SNAI1: variants seen among roughly 807,000 people sequenced by gnomAD.
The protein encoded by SNAI1 is zinc finger protein SNAI1.
A neutral mutation model predicts 24.7 loss-of-function variants in SNAI1; 15 were observed. The ratio of observed to expected loss-of-function variants is 0.61; its 90% CI spans 0.41 to 0.93. SNAI1 has a LOEUF of 0.93. Ranked by LOEUF, SNAI1 falls within the 40% of genes least tolerant of loss-of-function variation. The probability of loss-of-function intolerance (pLI) is 0.00; values close to 1 mark genes in which losing one functional copy is unlikely to be tolerated. For synonymous variants in SNAI1, 163 were observed against 142.9 expected, an observed-to-expected ratio of 1.14 and a Z score of -1.00; for missense variants, 283 against 336.7, an observed-to-expected ratio of 0.84 and a Z score of 1.25.
In SNAI1 at chr20:49,984,101, C is replaced by G; in HGVS notation, c.360C>G (p.Ser120=). The G allele has an allele frequency of 1.2e-6, 2 of 1,614,222 alleles. No individual in the cohort carries two copies. Among genetic ancestry groups the G allele is most frequent in the Non-Finnish European group, 1.7e-6 (2 of 1,180,038 alleles). The change falls in exon 2 of 3, where the codon TCC becomes TCG. Residue 120 remains serine (S), a synonymous_variant. Transcript: ENST00000244050. ...CCTTCTCCTCTACTTCAGTCTCTTCCTTGGAGGCCGAGGCCTATGCTGCCT... is the reference window on the plus strand; with the variant it reads ...CCTTCTCCTCTACTTCAGTCTCTTCGTTGGAGGCCGAGGCCTATGCTGCCT... The part of the protein sequence containing the change: ...PSSFSSTSVS[S]LEAEAYAAFP...
intron 2 of SNAI1, 66 bp downstream of exon 2, chr20:49,984,417 T>A: frequency 6.9e-7 from 1 of 1,446,760 alleles, no homozygotes; most frequent in Non-Finnish European, 9.2e-7. Flanking sequence ...CTGGGCTTGC[T>A]GTTCTCATTC....
At chr20:49,987,792 G>C (rs750819893) in intron 2 of SNAI1, 80 bp from the exon 3 acceptor site, 5 of 1,295,214 alleles carry the variant, frequency 3.9e-6, no homozygotes, top group Non-Finnish European at 5.5e-6. Context: ...TTCAGGGTTT[G>C]GGGTATGCGG....
Position 49,987,984 on chromosome 20 carries a change from T to C in SNAI1, c.723T>C (p.Cys241=). Residue 241 remains cysteine (C), a synonymous_variant, in exon 3 of 3, where the codon TGT becomes TGC. Transcript: ENST00000244050. ...TCAAGAAGTACCAGTGCCAGGCGTG[T>C]GCTCGGACCTTCTCCCGAATGTCCC... is the stretch of plus-strand genomic sequence containing the variant. ...SDVKKYQCQA[C]ARTFSRMSLL... 3 of 1,613,932 alleles carry C rather than the reference T, an allele frequency of 1.9e-6. No individual in the cohort carries two copies. The highest frequency in any genetic ancestry group is 2.5e-6 in the Non-Finnish European group (3 of 1,179,902).
chr20:49,988,026 A>G lies in SNAI1; in HGVS notation c.765A>G (p.Gln255=). Residue 255 remains glutamine, a synonymous_variant, in exon 3 of 3, where the codon CAA becomes CAG. Coordinates refer to ENST00000244050, the MANE Select transcript of SNAI1 (RefSeq NM_005985.4). The part of the protein sequence containing the change: ...FSRMSLLHKH[Q]ESGCSGCPR Reference sequence around the variant, plus strand: ...GAATGTCCCTGCTCCACAAGCACCAAGAGTCCGGCTGCTCAGGATGTCCCC... The same window carrying G: ...GAATGTCCCTGCTCCACAAGCACCAGGAGTCCGGCTGCTCAGGATGTCCCC... 6.2e-7 allele frequency: 1 copy of G among 1,610,472 alleles called. No homozygotes were observed.
rs141788073 is a variant in SNAI1 at position 49,983,065 on chromosome 20, G to A, written c.6G>A (p.Pro2=). Residue 2 remains proline (P), a synonymous_variant, in exon 1 of 3, where the codon CCG becomes CCA. Transcript: ENST00000244050. ...ACCCCAGTGCCTCGACCACTATGCC[G>A]CGCTCTTTCCTCGTCAGGAAGCCCT... The part of the protein sequence containing the change: M[P]RSFLVRKPSD... The A allele has an allele frequency of 1.2e-6, 2 of 1,613,308 alleles. No individual in the cohort carries two copies. Among genetic ancestry groups the A allele is most frequent in the Non-Finnish European group, 1.7e-6 (2 of 1,179,748 alleles).
chr20:49,985,580 G>A (rs1043245066), intron 2 of SNAI1, among the ~76,000 whole-genome samples: 3 of 152,148 alleles, frequency 2.0e-5, no homozygotes, highest in African/African-American at 7.2e-5. Flanking sequence ...CCTCCCATCT[G>A]GACATTATTT....
Position 49,983,117 on chromosome 20 carries a change from A to C in SNAI1, c.58A>C (p.Ser20Arg). ...PSDPNRKPNY[S>R]ELQDSNPEFT... ...CGACCCCAATCGGAAGCCTAACTAC[A>C]GCGAGCTGCAGGACTCTAATCCAGG... Residue 20 changes from serine (S) to arginine (R), a missense_variant, in exon 1 of 3, where the codon AGC becomes CGC. Ser to Arg is a moderately radical substitution (Grantham distance 110, BLOSUM62 -1). Coordinates refer to ENST00000244050, the MANE Select transcript of SNAI1 (RefSeq NM_005985.4). 1 of 1,613,718 alleles carries C rather than the reference A, an allele frequency of 6.2e-7. No individual in the cohort carries two copies. Among genetic ancestry groups the C allele is most frequent in the South Asian group, 1.1e-5 (1 of 91,058 alleles).
Position 49,984,199 on chromosome 20 carries a change from C to A in SNAI1, c.458C>A (p.Ala153Asp), listed in dbSNP as rs751615554. 1 of 1,614,104 alleles carries A rather than the reference C, an allele frequency of 6.2e-7. No individual in the cohort carries two copies. Among genetic ancestry groups the A allele is most frequent in the African/African-American group, 1.3e-5 (1 of 74,950 alleles). ...GCCAAGGATCTCCAGGCTCGAAAGGCCTTCAACTGCAAATACTGCAACAAG... is the reference window on the plus strand; with the variant it reads ...GCCAAGGATCTCCAGGCTCGAAAGGACTTCAACTGCAAATACTGCAACAAG... ...SEAKDLQARK[A>D]FNCKYCNKEY... Residue 153 changes from alanine (A) to aspartate (D), a missense_variant, in exon 2 of 3, where the codon GCC (alanine) becomes GAC (aspartate). By Grantham distance (126) the Ala-to-Asp change is moderately radical. Transcript: ENST00000244050.
intron 1 of SNAI1, 129 bp downstream of exon 1, chr20:49,983,270 G>T: frequency 1.3e-6 from 1 of 752,734 alleles, no homozygotes; most frequent in Middle Eastern, 3.0e-4. Context: ...GACCATTGCG[G>T]GCTCGGGAGA....
intron 2 of SNAI1, 85 bp from the exon 3 acceptor site, chr20:49,987,787 G>C: frequency 7.9e-7 from 1 of 1,270,202 alleles, no homozygotes; most frequent in Non-Finnish European, 1.1e-6. Flanking sequence ...ATTCTTTCAG[G>C]GTTTGGGGTA....
chr20:49,985,468 A>C (rs950587555), intron 2 of SNAI1, among the ~76,000 whole-genome samples: 2 of 152,180 alleles, frequency 1.3e-5, no homozygotes, highest in African/African-American at 4.8e-5. Flanking sequence ...TAACATGTAA[A>C]GGTCCAACTG....
chr20:49,984,409 G>A, intron 2 of SNAI1, 58 bp downstream of exon 2: 1 of 1,472,770 alleles, frequency 6.8e-7, no homozygotes, highest in Non-Finnish European at 9.1e-7. Flanking sequence ...TTGTGAATCT[G>A]GGCTTGCTGT....
At position 49,984,291 on chromosome 20, in the gene SNAI1, A is replaced by G; in HGVS notation, c.550A>G (p.Thr184Ala). 6.2e-7 allele frequency: 1 copy of G among 1,613,500 alleles called. No homozygotes were observed. The highest frequency in any genetic ancestry group is 8.5e-7 in the Non-Finnish European group (1 of 1,179,788). Residue 184 changes from threonine (T) to alanine (A), a missense_variant, in exon 2 of 3, where the codon ACC becomes GCC. Physicochemically the swap from Thr to Ala is moderately conservative, Grantham distance 58. Coordinates refer to ENST00000244050, the MANE Select transcript of SNAI1 (RefSeq NM_005985.4). ...RSHTLPCVCGTCGKAFSRPWL... is the reference protein window; with the variant it reads ...RSHTLPCVCGACGKAFSRPWL... Reference sequence around the variant, plus strand: ...CCACACGCTGCCCTGCGTCTGCGGAACCTGCGGGAAGGCCTTCTCTAGGCC... The same window carrying G: ...CCACACGCTGCCCTGCGTCTGCGGAGCCTGCGGGAAGGCCTTCTCTAGGCC...
intron 2 of SNAI1, among the ~76,000 whole-genome samples, chr20:49,985,838 G>A (rs1057217933): frequency 2.6e-5 from 4 of 152,226 alleles, no homozygotes; most frequent in Admixed American, 1.3e-4. Context: ...TGTCCCCGCC[G>A]GCCTGGTGCC....
In SNAI1 at chr20:49,983,818, C is replaced by T. The variant is rs749997157; in HGVS notation, c.83-6C>T. 168 of 1,574,358 alleles carry T rather than the reference C, an allele frequency of 1.1e-4. No individual in the cohort carries two copies. Among genetic ancestry groups the T allele is most frequent in the Non-Finnish European group, 1.4e-4 (161 of 1,160,700 alleles). ...TTAACGCCTGACTCTGCTTTTTCTC[C>T]CTCAGAGTTTACCTTCCAGCAGCCC... On this transcript the variant is annotated splice_polypyrimidine_tract_variant and splice_region_variant and intron_variant, in intron 1 of 2. Coordinates refer to ENST00000244050, the MANE Select transcript of SNAI1 (RefSeq NM_005985.4).
intron 2 of SNAI1, among the ~76,000 whole-genome samples, chr20:49,987,596 TATC>T (rs756486699): frequency 1.3e-5 from 2 of 152,128 alleles, no homozygotes; most frequent in African/African-American, 2.4e-5. Flanking sequence ...TTCTGTCACT[TATC>T]AACCCCTATG....
In SNAI1 at chr20:49,983,018, G is replaced by T. The variant is rs767416451; in HGVS notation, c.-42G>T. 3 of 1,490,512 alleles carry T rather than the reference G, an allele frequency of 2.0e-6. No homozygotes were observed. The African/African-American group carries it at 4.2e-5, about 21-fold the overall frequency. The allele number at this position is 1,490,512 out of a possible 1,614,324, so 92.3% of individuals were successfully genotyped here. A position where few individuals can be genotyped will look rare whatever the true frequency, so the allele number is the denominator to read the frequency against. On this transcript the variant is annotated 5_prime_UTR_variant, in exon 1 of 3. Coordinates refer to ENST00000244050, the MANE Select transcript of SNAI1 (RefSeq NM_005985.4). The stretch of plus-strand genomic sequence containing the variant: ...ACGGCCTAGCGAGTGGTTCTTCTGC[G>T]CTACTGCTGCGCGAATCGGCGACCC...
At chr20:49,986,221 C>T (rs954511503) in intron 2 of SNAI1, among the ~76,000 whole-genome samples, 10 of 152,310 alleles carry the variant, frequency 6.6e-5, no homozygotes, top group African/African-American at 1.2e-4. Flanking sequence ...TCAGGCGTGG[C>T]GTGTGGAGGC....
rs533640832 is a variant in SNAI1, at chr20:49,984,659, C to T, written c.610+308C>T. On this transcript the variant is annotated intron_variant, in intron 2 of 2. Coordinates refer to ENST00000244050, the MANE Select transcript of SNAI1 (RefSeq NM_005985.4). Reference sequence around the variant, plus strand: ...GGGGCCAGGTGTGAAGGGGCCCACCCGGCCACACCCTCTCCCGGGTCCGCC... The same window carrying T: ...GGGGCCAGGTGTGAAGGGGCCCACCTGGCCACACCCTCTCCCGGGTCCGCC... 1.1e-4 allele frequency among the ~76,000 whole-genome samples: 17 copies of T among 152,348 alleles called. 1 individual carries two copies. The East Asian group carries it at 2.5e-3, about 22-fold the overall frequency.
Sources: gnomAD v4.1 joint callset for allele counts (sites outside exome capture counted in the v4.1 genomes callset) on GRCh38, gnomAD v4.1.1 for gene constraint, MANE v1.5 for transcripts, NCBI Gene and HGNC (gene_info 2026-07-23, HGNC 2026-07-21) for gene names.